The following ADCYAP1 variants were observed in gnomAD, a reference collection of about 807,000 sequenced individuals.
ADCYAP1 encodes adenylate cyclase activating polypeptide 1, also known as pituitary adenylate cyclase-activating polypeptide.
In ADCYAP1, 6 loss-of-function variants were observed where a neutral mutation model predicts 18.5. That is an observed-to-expected ratio of 0.32 (90% CI 0.18 to 0.64). The LOEUF is 0.64. Among genes scored for constraint, ADCYAP1 ranks in the 30% least tolerant of loss-of-function variants. The pLI, the probability that ADCYAP1 is intolerant of heterozygous loss-of-function variation, is 0.77. For synonymous variants in ADCYAP1, 136 were observed against 113.9 expected, an observed-to-expected ratio of 1.19 and a Z score of -1.24; for missense variants, 314 against 253.6, an observed-to-expected ratio of 1.24 and a Z score of -1.62.
chr18:909,661 A>T lies in ADCYAP1; in HGVS notation c.*26A>T, dbSNP rs1308199773. 1 of 1,603,436 alleles carries T rather than the reference A, an allele frequency of 6.2e-7. No homozygotes were observed. The highest frequency in any genetic ancestry group is 1.7e-5 in the Admixed American group (1 of 59,592). ...CGATGGGTTACCAGCTACCCTGTGT[A>T]TACAGCCCTGACGCAATGAAAAGTC... is the stretch of plus-strand genomic sequence containing the variant. On this transcript the variant is annotated 3_prime_UTR_variant, in exon 5 of 5. Transcript: ENST00000450565.
chr18:911,100 T>C lies in ADCYAP1; in HGVS notation c.*1465T>C, dbSNP rs905804984. 6.6e-6 allele frequency: 1 copy of C among 152,212 alleles called. No individual in the cohort carries two copies. The highest frequency in any genetic ancestry group is 6.5e-5 in the Admixed American group (1 of 15,288). The allele number at this position is 152,212 out of a possible 1,614,324, so 9.4% of individuals were successfully genotyped here. ...TGTGTAGTGTTCACATGTTGCTCAGTTTTGCTAACTGATAAATCATTTAAT... is the reference window on the plus strand; with the variant it reads ...TGTGTAGTGTTCACATGTTGCTCAGCTTTGCTAACTGATAAATCATTTAAT... On this transcript the variant is annotated 3_prime_UTR_variant, in exon 5 of 5. Coordinates refer to ENST00000450565, the MANE Select transcript of ADCYAP1 (RefSeq NM_001099733.2).
chr18:905,472 C>T lies in ADCYAP1; in HGVS notation c.86C>T (p.Ala29Val), dbSNP rs765029234. ...AGCGTCTACAGCTCACCTGCCGCCG[C>T]CGGACTCCGGTTCCCCGGGATCAGG... ...HSSVYSSPAA[A>V]GLRFPGIRPE... Residue 29 changes from alanine (A) to valine (V), a missense_variant, in exon 2 of 5, where the codon GCC becomes GTC. Ala to Val is a moderately conservative substitution (Grantham distance 64). Coordinates refer to ENST00000450565, the MANE Select transcript of ADCYAP1 (RefSeq NM_001099733.2). 1 of 1,609,406 alleles carries T rather than the reference C, an allele frequency of 6.2e-7. No homozygotes were observed. Among genetic ancestry groups the T allele is most frequent in the Non-Finnish European group, 8.5e-7 (1 of 1,179,998 alleles).
chr18:907,586 C>T (rs1386550078), intron 2 of ADCYAP1, 73 bp from the exon 3 acceptor site: 1 of 1,488,480 alleles, frequency 6.7e-7, no homozygotes, highest in East Asian at 2.6e-5. Context: ...GCGCGAGCCC[C>T]TTACTTTGGA....
At position 910,454 on chromosome 18, in the gene ADCYAP1, T is replaced by C. The variant is rs1037740469; in HGVS notation, c.*819T>C. The C allele has an allele frequency of 6.6e-6, 1 of 152,256 alleles. No homozygotes were observed. 9.4% of individuals were successfully genotyped at this position (152,256 alleles called of 1,614,324 possible). A position where few individuals can be genotyped will look rare whatever the true frequency, so the allele number is the denominator to read the frequency against. ...GCGGCTTCGTTAGACCGCTCTCTTT[T>C]CTGTACTTCCTGAGTGGCCAGGGAA... On this transcript the variant is annotated 3_prime_UTR_variant, in exon 5 of 5. Coordinates refer to ENST00000450565, the MANE Select transcript of ADCYAP1 (RefSeq NM_001099733.2).
At position 909,873 on chromosome 18, in the gene ADCYAP1, AATATATATATATAT is replaced by A. The variant is rs35018620; in HGVS notation, c.*258_*271del. ...ATATATATTATAAATATATATAAAG[AATATATATATATAT>A]ATATATATATATATATATAAAGTAT... is the stretch of plus-strand genomic sequence containing the variant. On this transcript the variant is annotated 3_prime_UTR_variant, in exon 5 of 5. Transcript: ENST00000450565. The A allele has an allele frequency of 0.29, 41,591 of 143,424 alleles. 6,410 individuals carry two copies. The highest frequency in any genetic ancestry group is 0.38 in the Admixed American group (5,454 of 14,368). The allele number at this position is 143,424 out of a possible 1,614,324, so 8.9% of individuals were successfully genotyped here.
intron 2 of ADCYAP1, 54 bp downstream of exon 2, chr18:905,550 G>A (rs568852695): frequency 8.8e-6 from 14 of 1,584,114 alleles, no homozygotes; most frequent in Non-Finnish European, 1.1e-5. Flanking sequence ...AGGCACAGAC[G>A]CTTCCTCACG....
chr18:905,644 C>G, intron 2 of ADCYAP1, 148 bp downstream of exon 2: 6 of 948,250 alleles, frequency 6.3e-6, no homozygotes, highest in African/African-American at 1.7e-5. Context: ...CTCGGCTGGA[C>G]AGCGGGTCCC....
chr18:911,548 C>G lies in ADCYAP1; in HGVS notation c.*1913C>G, dbSNP rs935399397. On this transcript the variant is annotated 3_prime_UTR_variant, in exon 5 of 5. Transcript: ENST00000450565. ...ACAGAATTGGATTTGCATTCCCAGG[C>G]GGGATGGATGCTGCCAGGAGATCAC... 4 of 152,094 alleles carry G rather than the reference C, an allele frequency of 2.6e-5. No homozygotes were observed. Among genetic ancestry groups the G allele is most frequent in the African/African-American group, 9.7e-5 (4 of 41,414 alleles). 9.4% of individuals were successfully genotyped at this position (152,094 alleles called of 1,614,324 possible).
chr18:908,574 C>T (rs976677527), intron 4 of ADCYAP1, among the ~76,000 whole-genome samples: 2 of 152,150 alleles, frequency 1.3e-5, no homozygotes, highest in South Asian at 4.1e-4. Context: ...AAAGGGAACG[C>T]GAGCCAGGGA....
upstream of ADCYAP1, chr18:904,452 A>T: frequency 7.8e-7 from 1 of 1,288,998 alleles, no homozygotes. Flanking sequence ...GATGTTGACA[A>T]AGAGGGCTCT....
At position 910,670 on chromosome 18, in the gene ADCYAP1, A is replaced by G. The variant is rs959805848; in HGVS notation, c.*1035A>G. On this transcript the variant is annotated 3_prime_UTR_variant, in exon 5 of 5. Coordinates refer to ENST00000450565, the MANE Select transcript of ADCYAP1 (RefSeq NM_001099733.2). The stretch of plus-strand genomic sequence containing the variant: ...TTTGGGCGCTGGGTATTGGAAATGG[A>G]TGCAAAGTACAATGTGTTTTTCTCC... 2 of 152,222 alleles carry G rather than the reference A, an allele frequency of 1.3e-5. No individual in the cohort carries two copies. Among genetic ancestry groups the G allele is most frequent in the African/African-American group, 4.8e-5 (2 of 41,436 alleles). 9.4% of individuals were successfully genotyped at this position (152,222 alleles called of 1,614,324 possible). A position where few individuals can be genotyped will look rare whatever the true frequency, so the allele number is the denominator to read the frequency against.
In ADCYAP1 at chr18:909,927, A is replaced by T. The variant is rs986870649; in HGVS notation, c.*292A>T. The T allele has an allele frequency of 6.7e-6, 1 of 150,036 alleles. No individual in the cohort carries two copies. The highest frequency in any genetic ancestry group is 2.4e-5 in the African/African-American group (1 of 40,954). The allele number at this position is 150,036 out of a possible 1,614,324, so 9.3% of individuals were successfully genotyped here. A position where few individuals can be genotyped will look rare whatever the true frequency, so the allele number is the denominator to read the frequency against. ...ATATAAAGTATAGAGAGAAGTTCAT[A>T]CAAAGCGTGCACAAGGATTGAAAAT... On this transcript the variant is annotated 3_prime_UTR_variant, in exon 5 of 5. Coordinates refer to ENST00000450565, the MANE Select transcript of ADCYAP1 (RefSeq NM_001099733.2).
chr18:905,943 GTC>G (rs376497498), intron 2 of ADCYAP1: 18 of 172,338 alleles, frequency 1.0e-4, no homozygotes, highest in East Asian at 1.7e-4. Context: ...TCCGGGTGGG[GTC>G]TCTCTCTCTC....
chr18:904,634 G>A, upstream of ADCYAP1: 1 of 1,243,474 alleles, frequency 8.0e-7, no homozygotes. Flanking sequence ...CCTGGCCCGC[G>A]GCTCCTACAA....
chr18:904,752 C>A, upstream of ADCYAP1: 5 of 1,259,034 alleles, frequency 4.0e-6, no homozygotes, highest in Non-Finnish European at 4.1e-6. Context: ...TTACGGCCAC[C>A]TTGCTCCTCC....
chr18:909,873 A>AATATATATATAT lies in ADCYAP1; in HGVS notation c.*260_*271dup, dbSNP rs35018620. Reference sequence around the variant, plus strand: ...ATATATATTATAAATATATATAAAGAATATATATATATATATATATATATA... The same window carrying AATATATATATAT: ...ATATATATTATAAATATATATAAAGAATATATATATATATATATATATATATATATATATATA... On this transcript the variant is annotated 3_prime_UTR_variant, in exon 5 of 5. Transcript: ENST00000450565. The AATATATATATAT allele has an allele frequency of 1.9e-4, 27 of 143,412 alleles. No individual in the cohort carries two copies. The highest frequency in any genetic ancestry group is 6.8e-4 in the South Asian group (3 of 4,388). 8.9% of individuals were successfully genotyped at this position (143,412 alleles called of 1,614,324 possible).
chr18:907,319 G>C (rs962096208), intron 2 of ADCYAP1, among the ~76,000 whole-genome samples: 6 of 152,186 alleles, frequency 3.9e-5, no homozygotes, highest in African/African-American at 1.4e-4. Flanking sequence ...GGGGAGGCTC[G>C]GGAGCCAGGC....
Position 907,782 on chromosome 18 carries a change from C to A in ADCYAP1, c.234C>A (p.Ala78=), listed in dbSNP as rs745853788. ...CCGCCGCCGCCTGGTACCGCCCGGC[C>A]GGGAGAAGGTGAGATTCGCGCGGCC... ...PRAAAAWYRP[A]GRRDVAHGIL... The change falls in exon 3 of 5, where the codon GCC becomes GCA. Residue 78 remains alanine (A), a synonymous_variant. Transcript: ENST00000450565. 4.2e-6 allele frequency: 6 copies of A among 1,442,156 alleles called. No individual in the cohort carries two copies. Among genetic ancestry groups the A allele is most frequent in the Admixed American group, 3.0e-5 (1 of 33,286 alleles). 89.3% of individuals were successfully genotyped at this position (1,442,156 alleles called of 1,614,324 possible).
intron 1 of ADCYAP1, 139 bp downstream of exon 1, chr18:905,199 T>C: frequency 1.4e-6 from 2 of 1,426,348 alleles, no homozygotes; most frequent in Non-Finnish European, 1.8e-6. Flanking sequence ...CATATATATA[T>C]ATTTTTTTCT....
Sources: allele counts gnomAD v4.1 joint callset (sites outside exome capture counted in the v4.1 genomes callset), GRCh38; gene constraint gnomAD v4.1.1; transcripts MANE v1.5; gene names NCBI Gene and HGNC (gene_info 2026-07-23, HGNC 2026-07-21).